Variants in TMED10 observed in about 807,000 individuals in gnomAD.
The protein encoded by TMED10 is transmembrane p24 trafficking protein 10, also known as transmembrane emp24 domain-containing protein 10.
In TMED10, 7 loss-of-function variants were observed where a neutral mutation model predicts 23.1. The observed-to-expected ratio is 0.30, with a 90% confidence interval of 0.17 to 0.57. TMED10 has a LOEUF of 0.57. Among genes scored for constraint, TMED10 ranks in the 20% least tolerant of loss-of-function variants. The pLI, the probability that TMED10 is intolerant of heterozygous loss-of-function variation, is 0.91. For missense variants in TMED10, 162 were observed against 274.8 expected, an observed-to-expected ratio of 0.59 and a Z score of 2.90; for synonymous variants, 113 against 106.9, an observed-to-expected ratio of 1.06 and a Z score of -0.35.
Position 75,141,672 on chromosome 14 carries a change from T to C in TMED10, c.412-5786A>G, listed in dbSNP as rs372437286. On this transcript the variant is annotated intron_variant, in intron 3 of 4. Coordinates refer to ENST00000303575, the MANE Select transcript of TMED10 (RefSeq NM_006827.6). ...TGCAGTTGGCATTAGAATCCAAGTC[T>C]ATGTGAGTTTATTCTGTAAGTACTA... 3.9e-5 allele frequency among the ~76,000 whole-genome samples: 6 copies of C among 152,304 alleles called. No homozygotes were observed. In the South Asian group the frequency reaches 1.2e-3, roughly 32 times the overall value.
intron 1 of TMED10, among the ~76,000 whole-genome samples, chr14:75,153,776 C>CTTTTTTT: frequency 1.2e-5 from 1 of 84,640 alleles, no homozygotes; most frequent in Non-Finnish European, 2.6e-5. Flanking sequence ...TTTTTTTTTC[C>CTTTTTTT]CTTTTTTTTT....
At chr14:75,169,621 G>A (rs937902020) in intron 1 of TMED10, among the ~76,000 whole-genome samples, 1 of 152,064 alleles carries the variant, frequency 6.6e-6, no homozygotes, top group Non-Finnish European at 1.5e-5. Flanking sequence ...TCATGCCATT[G>A]CACTCCAGCC....
chr14:75,151,398 T>C (rs1218468844), intron 2 of TMED10, among the ~76,000 whole-genome samples: 1 of 151,872 alleles, frequency 6.6e-6, no homozygotes, highest in Non-Finnish European at 1.5e-5. Context: ...TTTGTATTTT[T>C]AGTAGAGACA....
chr14:75,163,255 A>C (rs954181805), intron 1 of TMED10, among the ~76,000 whole-genome samples: 1 of 151,926 alleles, frequency 6.6e-6, no homozygotes, highest in Non-Finnish European at 1.5e-5. Flanking sequence ...ACAAACACAC[A>C]AACAAAAAAC....
At chr14:75,148,608 C>G (rs950427408) in intron 2 of TMED10, among the ~76,000 whole-genome samples, 1 of 152,132 alleles carries the variant, frequency 6.6e-6, no homozygotes, top group African/African-American at 2.4e-5. Context: ...AAATTTACAA[C>G]TGCCTGCATG....
chr14:75,143,323 T>C (rs1369192871), intron 3 of TMED10, among the ~76,000 whole-genome samples: 1 of 152,120 alleles, frequency 6.6e-6, no homozygotes, highest in African/African-American at 2.4e-5. Flanking sequence ...ATTAAACTCT[T>C]CTAAAACCAT....
At chr14:75,152,679 C>T (rs1895969556) in intron 1 of TMED10, among the ~76,000 whole-genome samples, 1 of 152,064 alleles carries the variant, frequency 6.6e-6, no homozygotes. Context: ...TCTATTCCTG[C>T]AAATTTCATG....
Position 75,135,001 on chromosome 14 carries a change from T to C in TMED10, c.544A>G (p.Thr182Ala), listed in dbSNP as rs1216103554. ...EEEMRDTNESTNTRVLYFSIF... is the reference protein window; with the variant it reads ...EEEMRDTNESANTRVLYFSIF... ...CTGAAGTATAGGACCCGAGTGTTTG[T>C]TGACTCTAAAAAAAAACAAAAGCAT... is the stretch of plus-strand genomic sequence containing the variant. The change falls in exon 5 of 5, where the codon ACA (threonine) becomes GCA (alanine). Residue 182 changes from threonine (T) to alanine (A), a missense_variant. By Grantham distance (58) the Thr-to-Ala change is moderately conservative (BLOSUM62 0). Coordinates refer to ENST00000303575, the MANE Select transcript of TMED10 (RefSeq NM_006827.6). 3 of 1,613,790 alleles carry C rather than the reference T, an allele frequency of 1.9e-6. No homozygotes were observed. Among genetic ancestry groups the C allele is most frequent in the Non-Finnish European group, 8.5e-7 (1 of 1,179,908 alleles).
At chr14:75,163,835 G>A (rs1396550695) in intron 1 of TMED10, among the ~76,000 whole-genome samples, 1 of 151,846 alleles carries the variant, frequency 6.6e-6, no homozygotes, top group East Asian at 1.9e-4. Flanking sequence ...GTGTTGCCCA[G>A]GCTGGTTATG....
At chr14:75,164,577 A>ATATATATATTTTTTT (rs1566675301) in intron 1 of TMED10, among the ~76,000 whole-genome samples, 1 of 45,132 alleles carries the variant, frequency 2.2e-5, no homozygotes, top group Non-Finnish European at 3.5e-5. Context: ...ATATATATAT[A>ATATATATATTTTTTT]TTTTTTTTTT....
chr14:75,155,018 G>A (rs1203754818), intron 1 of TMED10, among the ~76,000 whole-genome samples: 1 of 150,034 alleles, frequency 6.7e-6, no homozygotes, highest in African/African-American at 2.5e-5. Context: ...TAGGGCAGTG[G>A]CGCAATCCCG....
At chr14:75,160,107 A>C (rs377311133) in intron 1 of TMED10, among the ~76,000 whole-genome samples, 65 of 152,302 alleles carry the variant, frequency 4.3e-4, no homozygotes, top group African/African-American at 1.4e-3. Context: ...CAGGCAGGCA[A>C]CCTGACAACT....
intron 3 of TMED10, among the ~76,000 whole-genome samples, chr14:75,145,069 G>A (rs1414240829): frequency 6.6e-6 from 1 of 152,230 alleles, no homozygotes; most frequent in East Asian, 1.9e-4. Context: ...AATCTGGTCT[G>A]CTGCTGGGGA....
intron 3 of TMED10, chr14:75,139,298 A>G (rs1895793122): frequency 5.9e-6 from 2 of 341,716 alleles, no homozygotes; most frequent in Non-Finnish European, 5.7e-6. Flanking sequence ...GTGCTTATCA[A>G]TTCATCTTAT....
At chr14:75,140,136 T>A (rs1270362572) in intron 3 of TMED10, among the ~76,000 whole-genome samples, 2 of 152,138 alleles carry the variant, frequency 1.3e-5, no homozygotes, top group Non-Finnish European at 2.9e-5. Flanking sequence ...CTTCCTAGAC[T>A]CCAGAACTAT....
chr14:75,162,135 C>T (rs928591488), intron 1 of TMED10, among the ~76,000 whole-genome samples: 1 of 152,030 alleles, frequency 6.6e-6, no homozygotes, highest in African/African-American at 2.4e-5. Context: ...CATGGTGGCA[C>T]CCACCTGTAA....
intron 3 of TMED10, among the ~76,000 whole-genome samples, chr14:75,143,254 T>C (rs1895844758): frequency 6.6e-6 from 1 of 152,208 alleles, no homozygotes; most frequent in South Asian, 2.1e-4. Context: ...AGGTACTGTT[T>C]GGAAAAGCTA....
chr14:75,162,973 C>T lies in TMED10; in HGVS notation c.226-10830G>A, dbSNP rs189989164. 3.0e-3 allele frequency among the ~76,000 whole-genome samples: 452 copies of T among 152,136 alleles called. 4 individuals are homozygous for T. Among genetic ancestry groups the T allele is most frequent in the Middle Eastern group, 0.01 (3 of 294 alleles). ...GGTCCACCAGGCCCACTGGCTCACA[C>T]CTTGTAACGCCAGCACTTTAGGAGG... On this transcript the variant is annotated intron_variant, in intron 1 of 4. Transcript: ENST00000303575.
At chr14:75,163,433 G>C (rs1350001789) in intron 1 of TMED10, among the ~76,000 whole-genome samples, 1 of 151,274 alleles carries the variant, frequency 6.6e-6, no homozygotes, top group Non-Finnish European at 1.5e-5. Context: ...CTCGCCTGTA[G>C]TCCCAGCTAC....
Sources: gnomAD v4.1 joint callset for allele counts (sites outside exome capture counted in the v4.1 genomes callset) on GRCh38, gnomAD v4.1.1 for gene constraint, MANE v1.5 for transcripts, NCBI Gene and HGNC (gene_info 2026-07-23, HGNC 2026-07-21) for gene names.